TFAP2D: variants seen among roughly 807,000 people sequenced by gnomAD.
TFAP2D encodes transcription factor AP-2 delta, also known as transcription factor AP-2-delta.
In TFAP2D, 9 loss-of-function variants were observed where a neutral mutation model predicts 43.6. That is an observed-to-expected ratio of 0.21 (90% CI 0.12 to 0.36). The LOEUF (loss-of-function observed/expected upper bound fraction) is 0.36, where lower values mean the gene tolerates loss of function less well. Ranked by LOEUF, TFAP2D falls within the 10% of genes least tolerant of loss-of-function variation. The pLI is 1.00. For synonymous variants in TFAP2D, 256 were observed against 224.9 expected (o/e 1.14, Z -1.24); for missense variants, 513 against 561.4 (o/e 0.91, Z 0.87).
intron 2 of TFAP2D, among the ~76,000 whole-genome samples, chr6:50,716,438 A>AGAAG (rs547955413): frequency 3.4e-5 from 5 of 147,594 alleles, no homozygotes; most frequent in Admixed American, 2.7e-4. Context: ...GAAAAAATAA[A>AGAAG]GAAGGAAGGA....
At chr6:50,739,467 A>C (rs1769007912) in intron 5 of TFAP2D, among the ~76,000 whole-genome samples, 1 of 152,162 alleles carries the variant, frequency 6.6e-6, no homozygotes, top group Middle Eastern at 3.4e-3. Context: ...AATCCAGTCT[A>C]TCATTGATGG....
chr6:50,721,603 T>C (rs1768726124), intron 3 of TFAP2D, among the ~76,000 whole-genome samples: 1 of 152,208 alleles, frequency 6.6e-6, no homozygotes, highest in Non-Finnish European at 1.5e-5. Flanking sequence ...GGACCCCTAA[T>C]ATCAACAGCT....
At position 50,772,648 on chromosome 6, in the gene TFAP2D, G is replaced by A. The variant is rs572831325; in HGVS notation, c.1143G>A (p.Leu381=). 1 of 1,613,454 alleles carries A rather than the reference G, an allele frequency of 6.2e-7. No individual in the cohort carries two copies. The highest frequency in any genetic ancestry group is 1.3e-5 in the African/African-American group (1 of 75,000). The change falls in exon 8 of 8, where the codon TTG becomes TTA. Residue 381 remains leucine, a synonymous_variant. Transcript: ENST00000008391. ...DIQRHLTHFS[L]ITHGFGTPAI... is the part of the protein sequence containing the mutation. ...TCCTATCACTTCTCATTTCCAGTTT[G>A]ATCACTCATGGCTTTGGGACTCCGG...
chr6:50,726,479 T>A (rs910823252), intron 3 of TFAP2D, among the ~76,000 whole-genome samples: 3 of 152,362 alleles, frequency 2.0e-5, no homozygotes, highest in Middle Eastern at 3.4e-3. Flanking sequence ...CTGGCTAGTA[T>A]GCAAGAGAGG....
intron 1 of TFAP2D, 144 bp from the exon 2 acceptor site, chr6:50,714,972 C>T (rs1446421684): frequency 5.5e-6 from 6 of 1,094,810 alleles, no homozygotes; most frequent in Non-Finnish European, 7.7e-6. Context: ...CGCTGAGACC[C>T]GGCTTCGGCT....
At chr6:50,745,460 A>G (rs1379265555) in intron 6 of TFAP2D, among the ~76,000 whole-genome samples, 2 of 152,200 alleles carry the variant, frequency 1.3e-5, no homozygotes, top group Non-Finnish European at 2.9e-5. Context: ...TAAGGCTGTC[A>G]TTGAAACTGA....
intron 3 of TFAP2D, among the ~76,000 whole-genome samples, chr6:50,724,387 G>A (rs1345558002): frequency 1.3e-5 from 2 of 152,166 alleles, no homozygotes; most frequent in African/African-American, 2.4e-5. Context: ...GCTGTAAGGC[G>A]AACAGATCAT....
intron 5 of TFAP2D, among the ~76,000 whole-genome samples, chr6:50,740,006 TG>T (rs1418898438): frequency 2.0e-5 from 3 of 152,208 alleles, no homozygotes; most frequent in Admixed American, 2.0e-4. Context: ...CTGGGAAATC[TG>T]TAAGTCAGGG....
intron 5 of TFAP2D, among the ~76,000 whole-genome samples, chr6:50,737,420 AG>A (rs1768979298): frequency 6.6e-6 from 1 of 152,218 alleles, no homozygotes. Flanking sequence ...ATTAAATCTA[AG>A]AATAAGGCAA....
intron 7 of TFAP2D, among the ~76,000 whole-genome samples, chr6:50,753,473 A>G (rs546989496): frequency 6.6e-6 from 1 of 152,024 alleles, no homozygotes; most frequent in South Asian, 2.1e-4. Context: ...ACTCACTTCA[A>G]AACATGAGCT....
At chr6:50,750,585 A>C in intron 6 of TFAP2D, among the ~76,000 whole-genome samples, 1 of 151,914 alleles carries the variant, frequency 6.6e-6, no homozygotes, top group South Asian at 2.1e-4. Flanking sequence ...AAAAACCATA[A>C]CCATTTAAAG....
chr6:50,767,618 G>A (rs920255817), intron 7 of TFAP2D, among the ~76,000 whole-genome samples: 39 of 152,244 alleles, frequency 2.6e-4, no homozygotes, highest in African/African-American at 9.1e-4. Flanking sequence ...TCAGGCATGA[G>A]GAAACTAATC....
intron 7 of TFAP2D, 138 bp downstream of exon 7, chr6:50,751,462 T>C (rs1052628024): frequency 4.5e-5 from 25 of 558,980 alleles, no homozygotes; most frequent in Admixed American, 1.0e-4. Flanking sequence ...TATAACAAAA[T>C]ACCTTAGACT....
At chr6:50,728,762 C>A in intron 3 of TFAP2D, 94 bp from the exon 4 acceptor site, 1 of 1,313,608 alleles carries the variant, frequency 7.6e-7, no homozygotes, top group Non-Finnish European at 1.1e-6. Flanking sequence ...GCATGTATTC[C>A]CAAATCCAGA....
intron 5 of TFAP2D, among the ~76,000 whole-genome samples, chr6:50,733,016 A>G (rs745820613): frequency 2.0e-4 from 31 of 152,204 alleles, no homozygotes; most frequent in Non-Finnish European, 3.5e-4. Flanking sequence ...AATTTATACT[A>G]TATTCCAATA....
intron 7 of TFAP2D, among the ~76,000 whole-genome samples, chr6:50,771,165 T>C (rs1452226932): frequency 2.0e-5 from 3 of 152,228 alleles, no homozygotes. Flanking sequence ...AGTTAATTAG[T>C]TAGTTTTCGG....
chr6:50,755,862 T>G (rs1769256880), intron 7 of TFAP2D, among the ~76,000 whole-genome samples: 1 of 151,978 alleles, frequency 6.6e-6, no homozygotes, highest in African/African-American at 2.4e-5. Flanking sequence ...TGTGTTAGCA[T>G]ACAGCATGTC....
rs199982057 is a variant in TFAP2D at position 50,715,377 on chromosome 6, T to C, written c.301T>C (p.Tyr101His). The C allele has an allele frequency of 2.5e-6, 4 of 1,613,980 alleles. No individual in the cohort carries two copies. The African/African-American group carries it at 4.0e-5, about 16-fold the overall frequency. The change falls in exon 2 of 8, where the codon TAC (tyrosine) becomes CAC (histidine). Residue 101 changes from tyrosine to histidine, a missense_variant. Tyr to His is a moderately conservative substitution (Grantham distance 83). This residue lies in a region of TFAP2D where 311 missense variants were observed against 316.2 expected (regional missense o/e 0.98). Coordinates refer to ENST00000008391, the MANE Select transcript of TFAP2D (RefSeq NM_172238.4). ...SLNSLHHSQQ[Y>H]YQQIHHGEPT... ...GAACTCTCTCCACCACTCGCAACAG[T>C]ACTACCAGCAGATCCACCACGGGGA... is the stretch of plus-strand genomic sequence containing the variant.
At chr6:50,725,380 A>T (rs1328458517) in intron 3 of TFAP2D, among the ~76,000 whole-genome samples, 1 of 152,210 alleles carries the variant, frequency 6.6e-6, no homozygotes, top group African/African-American at 2.4e-5. Flanking sequence ...ATCACTGAAA[A>T]TAGAGAGCCC....
Sources: gnomAD v4.1 joint callset for allele counts (sites outside exome capture counted in the v4.1 genomes callset) on GRCh38, gnomAD v4.1.1 for gene constraint, gnomAD v4.1.1 regional missense constraint, MANE v1.5 for transcripts, NCBI Gene and HGNC (gene_info 2026-07-23, HGNC 2026-07-21) for gene names.